The following TBCD variants were observed in gnomAD, a reference collection of about 807,000 sequenced individuals.
The protein encoded by TBCD is tubulin folding cofactor D, also known as tubulin-specific chaperone D.
In TBCD, 105 loss-of-function variants were observed where a neutral mutation model predicts 169.3. That is an observed-to-expected ratio of 0.62 (90% CI 0.53 to 0.73). The LOEUF (loss-of-function observed/expected upper bound fraction) is 0.73, where lower values mean the gene tolerates loss of function less well. Ranked by LOEUF, TBCD falls within the 30% of genes least tolerant of loss-of-function variation. The probability of loss-of-function intolerance (pLI) is 0.00; values close to 1 mark genes in which losing one functional copy is unlikely to be tolerated. For synonymous variants in TBCD, 700 were observed against 643.9 expected, an observed-to-expected ratio of 1.09 and a Z score of -1.32; for missense variants, 1,444 against 1,600.1, an observed-to-expected ratio of 0.90 and a Z score of 1.66.
chr17:82,888,972 G>T (rs958958374), intron 15 of TBCD, among the ~76,000 whole-genome samples: 5 of 152,190 alleles, frequency 3.3e-5, no homozygotes, highest in Non-Finnish European at 7.3e-5. Flanking sequence ...TGTGTCTCCA[G>T]CCCTGAGAAC....
In TBCD at chr17:82,797,798, C is replaced by G; in HGVS notation, c.813C>G (p.Pro271=). Residue 271 remains proline, a synonymous_variant, in exon 8 of 39, where the codon CCC becomes CCG. Coordinates refer to ENST00000355528, the MANE Select transcript of TBCD (RefSeq NM_005993.5). ...ATGGAAAACGTGAAGACTGTTTGCC[C>G]TATGGTAAGGTTTATTTTTAAGAGA... The part of the protein sequence containing the change: ...FKHGKREDCL[P]YAATVLRCLD... 6.4e-7 allele frequency: 1 copy of G among 1,574,572 alleles called. No homozygotes were observed. Among genetic ancestry groups the G allele is most frequent in the Non-Finnish European group, 8.6e-7 (1 of 1,168,380 alleles).
At chr17:82,909,174 G>T (rs1568015069) in intron 21 of TBCD, 111 bp from the exon 22 acceptor site, 7 of 891,018 alleles carry the variant, frequency 7.9e-6, no homozygotes, top group Middle Eastern at 2.4e-4. Context: ...CTCCTGGCTG[G>T]CATGGCATCT....
At chr17:82,830,227 C>G in intron 13 of TBCD, 2 of 1,614,232 alleles carry the variant, frequency 1.2e-6, no homozygotes, top group Non-Finnish European at 8.5e-7. Flanking sequence ...CTGGGATTTT[C>G]CAGCATCCCT....
chr17:82,916,536 T>A (rs1475890121), intron 23 of TBCD, among the ~76,000 whole-genome samples: 4 of 152,082 alleles, frequency 2.6e-5, no homozygotes, highest in Non-Finnish European at 2.9e-5. Flanking sequence ...TTCCCCACTT[T>A]GATTCTTAAA....
chr17:82,830,419 T>C, intron 13 of TBCD: 2 of 1,611,862 alleles, frequency 1.2e-6, no homozygotes, highest in Non-Finnish European at 1.7e-6. Context: ...GGCTGCCGTC[T>C]GCTTCTGCTC....
At chr17:82,805,843 A>G (rs375287422) in intron 9 of TBCD, 32 bp from the exon 10 acceptor site, 2 of 1,586,420 alleles carry the variant, frequency 1.3e-6, no homozygotes, top group African/African-American at 1.3e-5. Context: ...GTGAGCTACA[A>G]AGCTGATCTG....
chr17:82,893,728 T>C (rs2059298866), intron 17 of TBCD, 96 bp downstream of exon 17: 16 of 860,394 alleles, frequency 1.9e-5, no homozygotes, highest in Non-Finnish European at 2.5e-5. Flanking sequence ...CATCCTGTAA[T>C]GTCCACTCAA....
intron 13 of TBCD, among the ~76,000 whole-genome samples, chr17:82,817,140 A>G (rs1242931655): frequency 2.6e-5 from 4 of 151,596 alleles, no homozygotes; most frequent in Non-Finnish European, 5.9e-5. Context: ...TTCACTTTCT[A>G]TTGATTGATT....
rs963484103 is a variant in TBCD, at chr17:82,831,522, A to G, written c.1318+16588A>G. On this transcript the variant is annotated intron_variant, in intron 13 of 38. Transcript: ENST00000355528. This position sits in a 1 kb window ranked among gnomAD's most constrained non-coding sequence, Gnocchi z 4.6. ...CGTAAGGAATCGGCAGGTTAGAGGG[A>G]TATTGCTGGAAAAACCTGTAGTGAT... 4 of 1,613,944 alleles carry G rather than the reference A, an allele frequency of 2.5e-6. No homozygotes were observed. Among genetic ancestry groups the G allele is most frequent in the Admixed American group, 1.7e-5 (1 of 59,988 alleles).
At chr17:82,895,194 G>T (rs1264475742) in intron 17 of TBCD, among the ~76,000 whole-genome samples, 1 of 152,258 alleles carries the variant, frequency 6.6e-6, no homozygotes, top group Non-Finnish European at 1.5e-5. Flanking sequence ...CACGATGCCA[G>T]GCCCTGCGTG....
chr17:82,930,661 G>C lies in TBCD; in HGVS notation c.3113+18G>C. ...AATGAGAGGTGAGTGGTGTCTCTTG[G>C]GGCCTCAGAGGCGTGAGTGGTGCTG... On this transcript the variant is annotated intron_variant, in intron 33 of 38. Coordinates refer to ENST00000355528, the MANE Select transcript of TBCD (RefSeq NM_005993.5). This position sits in a 1 kb window ranked among gnomAD's most constrained non-coding sequence, Gnocchi z 5.2. 1 of 1,613,808 alleles carries C rather than the reference G, an allele frequency of 6.2e-7. No homozygotes were observed. Among genetic ancestry groups the C allele is most frequent in the Non-Finnish European group, 8.5e-7 (1 of 1,179,836 alleles).
intron 32 of TBCD, 26 bp downstream of exon 32, chr17:82,929,526 G>A (rs539843180): frequency 4.4e-6 from 7 of 1,600,434 alleles, no homozygotes; most frequent in Non-Finnish European, 5.9e-6. Context: ...GCTGGCTGGG[G>A]CAGGAGGTGG....
rs990665228 is a variant in TBCD, at chr17:82,789,179, C to T, written c.771+7458C>T. Among the ~76,000 whole-genome samples, 2 of 152,190 alleles carry T rather than the reference C, an allele frequency of 1.3e-5. No individual in the cohort carries two copies. The highest frequency in any genetic ancestry group is 2.4e-5 in the African/African-American group (1 of 41,426). On this transcript the variant is annotated intron_variant, in intron 7 of 38. Transcript: ENST00000355528. This position sits in a 1 kb window ranked among gnomAD's most constrained non-coding sequence, Gnocchi z 4.8. The stretch of plus-strand genomic sequence containing the variant: ...GGGTGAAACGAGGTACCCCAGGCCA[C>T]GCTGGTTCGGTCTCCTCGTGGCGTT...
chr17:82,877,408 C>T lies in TBCD; in HGVS notation c.1476-6737C>T, dbSNP rs542521469. On this transcript the variant is annotated intron_variant, in intron 14 of 38. Coordinates refer to ENST00000355528, the MANE Select transcript of TBCD (RefSeq NM_005993.5). ...TCGCCCAGGCTGGAGTGCAGTGGTG[C>T]GATCTTGGCTCACTGCAATCTCCGC... is the stretch of plus-strand genomic sequence containing the variant. Among the ~76,000 whole-genome samples, 3 of 151,998 alleles carry T rather than the reference C, an allele frequency of 2.0e-5. No homozygotes were observed. The South Asian group carries it at 6.2e-4, about 32-fold the overall frequency.
intron 13 of TBCD, chr17:82,830,827 A>G: frequency 6.2e-7 from 1 of 1,613,232 alleles, no homozygotes. Context: ...CTCCGAGACG[A>G]GAGAGGCGCT....
At chr17:82,897,274 C>G (rs1294263603) in intron 17 of TBCD, among the ~76,000 whole-genome samples, 1 of 152,010 alleles carries the variant, frequency 6.6e-6, no homozygotes, top group Non-Finnish European at 1.5e-5. Flanking sequence ...AATGCCAGCA[C>G]TTTGGGAGAC....
chr17:82,852,617 C>G (rs531856089), intron 13 of TBCD, among the ~76,000 whole-genome samples: 1 of 152,168 alleles, frequency 6.6e-6, no homozygotes, highest in Non-Finnish European at 1.5e-5. Context: ...GCCCCACTTG[C>G]GTGGCCTCAT....
At chr17:82,828,346 G>T (rs534615298) in intron 13 of TBCD, among the ~76,000 whole-genome samples, 7 of 91,756 alleles carry the variant, frequency 7.6e-5, no homozygotes, top group African/African-American at 3.1e-4. Flanking sequence ...ATAGATATGC[G>T]CACGTGGACA....
chr17:82,793,902 G>A (rs950660730), intron 7 of TBCD, among the ~76,000 whole-genome samples: 6 of 152,162 alleles, frequency 3.9e-5, no homozygotes, highest in African/African-American at 9.7e-5. Context: ...AGCAGGACTC[G>A]GGATGGCAGA....
Sources: allele counts gnomAD v4.1 joint callset (sites outside exome capture counted in the v4.1 genomes callset), GRCh38; gene constraint gnomAD v4.1.1; non-coding constraint Gnocchi (gnomAD v3.1); transcripts MANE v1.5; gene names NCBI Gene and HGNC (gene_info 2026-07-23, HGNC 2026-07-21).